The following ARFGEF2 variants were observed in gnomAD, a reference collection of about 807,000 sequenced individuals.
ARFGEF2 encodes brefeldin A-inhibited guanine nucleotide-exchange protein 2.
A neutral mutation model predicts 219.9 loss-of-function variants in ARFGEF2; 74 were observed. The ratio of observed to expected loss-of-function variants is 0.34; its 90% CI spans 0.28 to 0.41. ARFGEF2 has a LOEUF of 0.41. ARFGEF2 is among the 10% of genes least tolerant of loss of function. ARFGEF2 has a pLI of 1.00. For synonymous variants in ARFGEF2, 733 were observed against 799.2 expected (o/e 0.92, Z 1.40); for missense variants, 1,743 against 2,218.3 (o/e 0.79, Z 4.30).
rs189545526 is a variant in ARFGEF2 at position 48,984,265 on chromosome 20, A to G, written c.1959-464A>G. Among the ~76,000 whole-genome samples, 90 of 152,248 alleles carry G rather than the reference A, an allele frequency of 5.9e-4. 1 individual carries two copies. Among genetic ancestry groups the G allele is most frequent in the Admixed American group, 5.9e-3 (90 of 15,284 alleles). On this transcript the variant is annotated intron_variant, in intron 14 of 38. Coordinates refer to ENST00000371917, the MANE Select transcript of ARFGEF2 (RefSeq NM_006420.3). ...TGACTGCTGGAGTACCAGCCATCCC[A>G]CAAACATTCTGGAGAGGAGGAGGGA...
chr20:49,025,303 T>A lies in ARFGEF2; in HGVS notation c.4756-10T>A, dbSNP rs1174281932. Reference sequence around the variant, plus strand: ...TCATTAGCTCTTCTATCCTCTGTCCTGTCCTCTAGCAAGACACGCTGGATG... The same window carrying A: ...TCATTAGCTCTTCTATCCTCTGTCCAGTCCTCTAGCAAGACACGCTGGATG... On this transcript the variant is annotated splice_polypyrimidine_tract_variant and intron_variant, in intron 35 of 38. Transcript: ENST00000371917. 6.2e-7 allele frequency: 1 copy of A among 1,605,776 alleles called. No homozygotes were observed.
intron 6 of ARFGEF2, among the ~76,000 whole-genome samples, chr20:48,962,462 G>A (rs556057518): frequency 2.0e-5 from 3 of 152,192 alleles, no homozygotes; most frequent in South Asian, 4.1e-4. Context: ...TTGTTATGTG[G>A]TGCATAACAG....
intron 13 of ARFGEF2, among the ~76,000 whole-genome samples, chr20:48,975,734 G>A (rs2091257043): frequency 6.7e-6 from 1 of 148,660 alleles, no homozygotes; most frequent in Non-Finnish European, 1.5e-5. Context: ...CTGTGAGGTG[G>A]AGGTTGCACT....
intron 3 of ARFGEF2, among the ~76,000 whole-genome samples, chr20:48,943,031 G>C (rs909382982): frequency 6.6e-6 from 1 of 152,178 alleles, no homozygotes; most frequent in Non-Finnish European, 1.5e-5. Context: ...CCTTCTTGCT[G>C]TTAGGAACAC....
intron 16 of ARFGEF2, among the ~76,000 whole-genome samples, chr20:48,987,022 G>C (rs1421030295): frequency 2.0e-5 from 3 of 152,158 alleles, no homozygotes; most frequent in Non-Finnish European, 4.4e-5. Flanking sequence ...TTTAATAACT[G>C]TTTTGCCTCT....
chr20:48,957,634 A>G (rs921160134), intron 6 of ARFGEF2, among the ~76,000 whole-genome samples: 16 of 152,190 alleles, frequency 1.1e-4, no homozygotes, highest in South Asian at 4.1e-4. Context: ...CTTAGATACA[A>G]TGGACTTAGT....
intron 8 of ARFGEF2, among the ~76,000 whole-genome samples, chr20:48,968,763 A>T (rs964539440): frequency 4.9e-4 from 75 of 152,042 alleles, no homozygotes; most frequent in African/African-American, 1.7e-3. Flanking sequence ...ATCATTTTTC[A>T]TTTTAAACCA....
At chr20:48,956,135 A>G (rs775849988) in intron 6 of ARFGEF2, among the ~76,000 whole-genome samples, 4 of 152,208 alleles carry the variant, frequency 2.6e-5, no homozygotes, top group Non-Finnish European at 5.9e-5. Context: ...CTCTGTGGCT[A>G]TTATTTTTAC....
rs151037083 is a variant in ARFGEF2 at position 49,014,659 on chromosome 20, C to T, written c.4179+699C>T. On this transcript the variant is annotated intron_variant, in intron 30 of 38. Transcript: ENST00000371917. ...ATGATTCGGAGGCCAGGCACAATGGCTCATGCCTATAATCCCAGCATTTTG... is the reference window on the plus strand; with the variant it reads ...ATGATTCGGAGGCCAGGCACAATGGTTCATGCCTATAATCCCAGCATTTTG... Among the ~76,000 whole-genome samples the T allele has an allele frequency of 1.4e-3, 212 of 152,236 alleles. 1 individual carries two copies. The highest frequency in any genetic ancestry group is 6.8e-3 in the Middle Eastern group (2 of 294).
intron 27 of ARFGEF2, 83 bp downstream of exon 27, chr20:49,010,487 AG>A: frequency 6.6e-7 from 1 of 1,525,998 alleles, no homozygotes; most frequent in Non-Finnish European, 9.0e-7. Flanking sequence ...TACTACCTAC[AG>A]GGGCTTCCCT....
chr20:48,985,663 G>T, intron 16 of ARFGEF2, 50 bp downstream of exon 16: 1 of 1,580,532 alleles, frequency 6.3e-7, no homozygotes, highest in South Asian at 1.1e-5. Context: ...GCCTGCCTCA[G>T]AACGCTAATT....
At chr20:49,031,083 TA>T (rs1351064651) in intron 37 of ARFGEF2, among the ~76,000 whole-genome samples, 1 of 152,136 alleles carries the variant, frequency 6.6e-6, no homozygotes, top group Non-Finnish European at 1.5e-5. Context: ...GAAAGGCAGT[TA>T]TATAATTATG....
intron 6 of ARFGEF2, among the ~76,000 whole-genome samples, chr20:48,959,850 C>T (rs1409450958): frequency 1.3e-5 from 2 of 151,902 alleles, no homozygotes; most frequent in African/African-American, 4.8e-5. Context: ...TCCTCCCCAC[C>T]TCAACCTCCC....
chr20:48,937,501 GCCTC>G (rs1472609931), intron 1 of ARFGEF2, among the ~76,000 whole-genome samples: 3 of 152,174 alleles, frequency 2.0e-5, no homozygotes, highest in Non-Finnish European at 4.4e-5. Flanking sequence ...GCCCACCTCA[GCCTC>G]CCAAAGTGCT....
chr20:48,988,796 T>C, intron 18 of ARFGEF2, 134 bp downstream of exon 18: 3 of 862,774 alleles, frequency 3.5e-6, no homozygotes, highest in South Asian at 3.3e-5. Context: ...GAATTAATTA[T>C]TGTGATTATG....
At chr20:48,964,353 C>T (rs1408752551) in intron 7 of ARFGEF2, among the ~76,000 whole-genome samples, 8 of 152,104 alleles carry the variant, frequency 5.3e-5, no homozygotes, top group East Asian at 1.9e-4. Context: ...TGCAGTGAGC[C>T]GAGAACGCAC....
chr20:48,985,000 T>C (rs896804461), intron 15 of ARFGEF2, 160 bp downstream of exon 15: 18 of 783,258 alleles, frequency 2.3e-5, no homozygotes, highest in Non-Finnish European at 2.5e-5. Flanking sequence ...ACAGCAGTCC[T>C]GTGTATCCCG....
chr20:49,010,491 G>T (rs1050630303), intron 27 of ARFGEF2, 87 bp downstream of exon 27: 11 of 1,504,578 alleles, frequency 7.3e-6, no homozygotes, highest in South Asian at 2.3e-5. Context: ...ACCTACAGGG[G>T]CTTCCCTACC....
chr20:48,940,606 C>T (rs2090987357), intron 1 of ARFGEF2, among the ~76,000 whole-genome samples: 1 of 152,162 alleles, frequency 6.6e-6, no homozygotes, highest in Non-Finnish European at 1.5e-5. Context: ...GCTGTAGAGC[C>T]AGAAAGCCTC....
Sources: gnomAD v4.1 joint callset for allele counts (sites outside exome capture counted in the v4.1 genomes callset) on GRCh38, gnomAD v4.1.1 for gene constraint, MANE v1.5 for transcripts, NCBI Gene and HGNC (gene_info 2026-07-23, HGNC 2026-07-21) for gene names.